SLC36A1: variants seen among roughly 807,000 people sequenced by gnomAD.
The protein encoded by SLC36A1 is proton-coupled amino acid transporter 1.
Under a neutral mutation model 47.5 loss-of-function variants are expected in SLC36A1, and 30 were observed. That is an observed-to-expected ratio of 0.63 (90% CI 0.47 to 0.86). The LOEUF (loss-of-function observed/expected upper bound fraction) is 0.86, where lower values mean the gene tolerates loss of function less well. Ranked by LOEUF, SLC36A1 falls within the 40% of genes least tolerant of loss-of-function variation. The probability of loss-of-function intolerance (pLI) is 0.00; values close to 1 mark genes in which losing one functional copy is unlikely to be tolerated. For synonymous variants in SLC36A1, 255 were observed against 249.7 expected (o/e 1.02, Z -0.20); for missense variants, 517 against 606.0 (o/e 0.85, Z 1.54).
At chr5:151,553,583 A>G in the SLC36A1 span, among the ~76,000 whole-genome samples, 1 of 152,246 alleles carries the variant, frequency 6.6e-6, no homozygotes, top group Admixed American at 6.5e-5. Flanking sequence ...GGTGGTGAAC[A>G]AAACGTATAA....
At chr5:151,500,595 T>A in the SLC36A1 span, among the ~76,000 whole-genome samples, 17 of 152,232 alleles carry the variant, frequency 1.1e-4, no homozygotes, top group African/African-American at 4.1e-4. Flanking sequence ...CTCGAACTCC[T>A]GACCTCAGGT....
chr5:151,492,986 C>G (rs2127557149), downstream of SLC36A1, among the ~76,000 whole-genome samples: 1 of 152,258 alleles, frequency 6.6e-6, no homozygotes, highest in South Asian at 2.1e-4. Flanking sequence ...CTCTCTCAGT[C>G]TCTCTATGTG....
the SLC36A1 span, among the ~76,000 whole-genome samples, chr5:151,396,545 G>T: frequency 6.6e-6 from 1 of 151,928 alleles, no homozygotes; most frequent in Admixed American, 6.6e-5. Flanking sequence ...ACTTACAGTA[G>T]CCAAATATTA....
chr5:151,504,357 C>T, the SLC36A1 span: 1 of 152,662 alleles, frequency 6.6e-6, no homozygotes, highest in Non-Finnish European at 1.5e-5. Flanking sequence ...GGTGAGGTCA[C>T]CAAAGGCCAC....
chr5:151,518,815 C>T, the SLC36A1 span, among the ~76,000 whole-genome samples: 1 of 152,214 alleles, frequency 6.6e-6, no homozygotes, highest in African/African-American at 2.4e-5. Flanking sequence ...GTTGAACCCC[C>T]TTTGGGAAGC....
the SLC36A1 span, among the ~76,000 whole-genome samples, chr5:151,375,747 G>A: frequency 4.6e-5 from 7 of 151,966 alleles, no homozygotes; most frequent in Non-Finnish European, 1.0e-4. Context: ...TTTATTTTTT[G>A]TAGCTAATGT....
the SLC36A1 span, chr5:151,545,544 A>T: frequency 6.2e-7 from 1 of 1,614,140 alleles, no homozygotes; most frequent in Non-Finnish European, 8.5e-7. Context: ...CATCTCTGAC[A>T]TGAATGATGA....
At chr5:151,517,538 T>C in the SLC36A1 span, 1 of 1,540,924 alleles carries the variant, frequency 6.5e-7, no homozygotes, top group East Asian at 2.3e-5. Flanking sequence ...GAAATGGGCT[T>C]CCTGACATTC....
the SLC36A1 span, among the ~76,000 whole-genome samples, chr5:151,417,225 A>G: frequency 6.6e-6 from 1 of 152,240 alleles, no homozygotes; most frequent in Non-Finnish European, 1.5e-5. Flanking sequence ...AATGGGCAGA[A>G]GTTGGAACAG....
chr5:151,513,296 A>T, the SLC36A1 span, among the ~76,000 whole-genome samples: 1 of 152,226 alleles, frequency 6.6e-6, no homozygotes, highest in South Asian at 2.1e-4. Context: ...ATACACTCAT[A>T]TGTTGATTGC....
the SLC36A1 span, chr5:151,551,591 A>G: frequency 1.9e-6 from 3 of 1,614,092 alleles, no homozygotes; most frequent in Non-Finnish European, 2.5e-6. Context: ...GTCAAAGTCC[A>G]TGTCCTTATC....
rs562032754 is a variant in SLC36A1, at chr5:151,466,837, G to A, written c.420-362G>A. Among the ~76,000 whole-genome samples the A allele has an allele frequency of 2.8e-4, 42 of 152,252 alleles. No individual in the cohort carries two copies. In the South Asian group the frequency reaches 8.5e-3, roughly 31 times the overall value. On this transcript the variant is annotated intron_variant, in intron 5 of 10. Transcript: ENST00000243389. ...CATTCCAGACGAGAAGCCAGGAAGG[G>A]GACGTCGGAAACCACACAGATAGCA...
chr5:151,378,834 C>T, the SLC36A1 span, among the ~76,000 whole-genome samples: 3 of 152,248 alleles, frequency 2.0e-5, no homozygotes, highest in South Asian at 2.1e-4. Flanking sequence ...CAGCCACTGT[C>T]ACTTGGCTGG....
At chr5:151,545,039 G>A in the SLC36A1 span, 88 of 1,613,950 alleles carry the variant, frequency 5.5e-5, 1 homozygote, top group Admixed American at 3.7e-4. Flanking sequence ...TGCTGCTCCC[G>A]GTCAAACGCC....
chr5:151,413,955 A>C, the SLC36A1 span, among the ~76,000 whole-genome samples: 1 of 152,134 alleles, frequency 6.6e-6, no homozygotes, highest in Non-Finnish European at 1.5e-5. Flanking sequence ...GGCCTGCCTT[A>C]AGTGGCTATA....
the SLC36A1 span, among the ~76,000 whole-genome samples, chr5:151,421,281 G>C: frequency 1.3e-4 from 19 of 142,410 alleles, no homozygotes; most frequent in Non-Finnish European, 2.6e-4. Context: ...TGGCTCTGTT[G>C]CCCAGGCTGG....
chr5:151,449,564 C>G (rs1753305312), intron 1 of SLC36A1, among the ~76,000 whole-genome samples: 1 of 152,116 alleles, frequency 6.6e-6, no homozygotes. Context: ...TGTGGCAGTT[C>G]GAAGTGCTCA....
chr5:151,540,755 G>T, the SLC36A1 span: 5 of 1,613,552 alleles, frequency 3.1e-6, no homozygotes, highest in South Asian at 4.4e-5. Flanking sequence ...TGGCCCAGGG[G>T]GTCTCCCTCT....
At chr5:151,473,447 T>G (rs1233784035) in intron 7 of SLC36A1, among the ~76,000 whole-genome samples, 2 of 152,194 alleles carry the variant, frequency 1.3e-5, no homozygotes, top group Non-Finnish European at 2.9e-5. Context: ...TTTTTAATAG[T>G]ACCTTGGGCT....
Sources: allele counts gnomAD v4.1 joint callset (sites outside exome capture counted in the v4.1 genomes callset), GRCh38; gene constraint gnomAD v4.1.1; transcripts MANE v1.5; gene names NCBI Gene and HGNC (gene_info 2026-07-23, HGNC 2026-07-21).